EPHA3: variants seen among roughly 807,000 people sequenced by gnomAD.
EPHA3 encodes the protein ephrin type-A receptor 3.
In EPHA3, 42 loss-of-function variants were observed where a neutral mutation model predicts 107.1. The ratio of observed to expected loss-of-function variants is 0.39; its 90% CI spans 0.31 to 0.51. EPHA3 has a LOEUF of 0.51. EPHA3 is among the 20% of genes least tolerant of loss of function. The pLI is 0.78. For synonymous variants in EPHA3, 461 were observed against 424.8 expected (o/e 1.09, Z -1.05); for missense variants, 1,183 against 1,211.2 (o/e 0.98, Z 0.35).
intron 3 of EPHA3, among the ~76,000 whole-genome samples, chr3:89,281,392 C>CA (rs1435264971): frequency 1.3e-5 from 2 of 152,036 alleles, no homozygotes; most frequent in Non-Finnish European, 2.9e-5. Flanking sequence ...TGCCCAAGAC[C>CA]AAAAACCACT....
chr3:89,253,743 A>G (rs1705215581), intron 3 of EPHA3, among the ~76,000 whole-genome samples: 1 of 152,186 alleles, frequency 6.6e-6, no homozygotes, highest in Admixed American at 6.5e-5. Flanking sequence ...GACTAATAAC[A>G]AAGCTCAAAA....
chr3:89,469,934 A>C (rs926276959), intron 15 of EPHA3, among the ~76,000 whole-genome samples: 10 of 152,112 alleles, frequency 6.6e-5, no homozygotes, highest in African/African-American at 2.2e-4. Flanking sequence ...CTAATCTTTC[A>C]TTTCAAGTAT....
At chr3:89,126,762 A>G (rs1057166397) in intron 1 of EPHA3, among the ~76,000 whole-genome samples, 4 of 151,746 alleles carry the variant, frequency 2.6e-5, no homozygotes, top group African/African-American at 4.8e-5. Context: ...GTGTCATATT[A>G]GATATAAATA....
At position 89,211,660 on chromosome 3, in the gene EPHA3, TTCCTCTTCC is replaced by T. The variant is rs769833566; in HGVS notation, c.814+1146_814+1154del. 5.6e-4 allele frequency among the ~76,000 whole-genome samples: 36 copies of T among 63,738 alleles called. No homozygotes were observed. In the South Asian group the frequency reaches 7.3e-3, roughly 13 times the overall value. The allele number at this position is 63,738 out of a possible 152,430, so 41.8% of individuals were successfully genotyped here. ...TTCACAGAATAAATTCCTCTTCCTC[TTCCTCTTCC>T]TCCTCCTCCTCCTCTCTCTCCTCCC... On this transcript the variant is annotated intron_variant, in intron 3 of 16. Coordinates refer to ENST00000336596, the MANE Select transcript of EPHA3 (RefSeq NM_005233.6).
intron 15 of EPHA3, among the ~76,000 whole-genome samples, chr3:89,456,408 T>C (rs73846176): frequency 0.035 from 5,308 of 152,270 alleles, 329 homozygotes; most frequent in African/African-American, 0.12. Context: ...TTCTTCAGTC[T>C]TTCTGGATTT....
chr3:89,205,931 C>T (rs962361966), intron 2 of EPHA3, among the ~76,000 whole-genome samples: 2 of 151,848 alleles, frequency 1.3e-5, no homozygotes, highest in African/African-American at 4.8e-5. Flanking sequence ...GAAACATGGG[C>T]ATTCTTTACA....
At chr3:89,466,859 GTC>G (rs1710287540) in intron 15 of EPHA3, among the ~76,000 whole-genome samples, 1 of 149,214 alleles carries the variant, frequency 6.7e-6, no homozygotes, top group African/African-American at 2.5e-5. Flanking sequence ...CCTCCCTCCT[GTC>G]TCTCTTTTTT....
chr3:89,214,169 T>C (rs187393390), intron 3 of EPHA3, among the ~76,000 whole-genome samples: 131 of 152,102 alleles, frequency 8.6e-4, no homozygotes, highest in Non-Finnish European at 1.4e-3. Context: ...CCAAAAGCTC[T>C]TGTCACTAAC....
intron 5 of EPHA3, among the ~76,000 whole-genome samples, chr3:89,364,286 C>A (rs563022977): frequency 6.6e-6 from 1 of 150,924 alleles, no homozygotes; most frequent in South Asian, 2.1e-4. Flanking sequence ...ATTTTTGAAA[C>A]CAGAATTGCT....
Position 89,398,863 on chromosome 3 carries a change from C to T in EPHA3, c.1432-455C>T, listed in dbSNP as rs1708899249. 2.0e-5 allele frequency among the ~76,000 whole-genome samples: 3 copies of T among 152,108 alleles called. No homozygotes were observed. In the South Asian group the frequency reaches 6.2e-4, roughly 32 times the overall value. On this transcript the variant is annotated intron_variant, in intron 6 of 16. Transcript: ENST00000336596. The stretch of plus-strand genomic sequence containing the variant: ...GCCCATGTTGGGACAGGTGCGGTGG[C>T]TCATGCCTGTAATCCCAGCACTTTG...
chr3:89,412,147 T>C (rs1295264318), intron 9 of EPHA3, among the ~76,000 whole-genome samples: 1 of 151,770 alleles, frequency 6.6e-6, no homozygotes, highest in Non-Finnish European at 1.5e-5. Context: ...TTTTTAAAAC[T>C]CAGGGTTTTT....
intron 2 of EPHA3, among the ~76,000 whole-genome samples, chr3:89,207,461 A>G (rs1351942565): frequency 1.3e-5 from 2 of 152,208 alleles, no homozygotes; most frequent in East Asian, 3.8e-4. Flanking sequence ...AAACCTGTAC[A>G]TGGCCCAAAC....
chr3:89,162,729 G>C (rs13089469), intron 2 of EPHA3, among the ~76,000 whole-genome samples: 1 of 152,242 alleles, frequency 6.6e-6, no homozygotes. Flanking sequence ...CCTGCATGCT[G>C]GAACTGAGAG....
chr3:89,356,529 G>C (rs574776990), intron 5 of EPHA3, among the ~76,000 whole-genome samples: 1 of 151,206 alleles, frequency 6.6e-6, no homozygotes, highest in African/African-American at 2.4e-5. Flanking sequence ...TGCCATTCTA[G>C]TAAGATCAAA....
chr3:89,212,832 C>A lies in EPHA3; in HGVS notation c.814+2312C>A. Reference sequence around the variant, plus strand: ...TTTGTTGCTCTGTGCTTTATCTCTGCACATTCATTGTGGAATGCTAACTTT... The same window carrying A: ...TTTGTTGCTCTGTGCTTTATCTCTGAACATTCATTGTGGAATGCTAACTTT... On this transcript the variant is annotated intron_variant, in intron 3 of 16. Coordinates refer to ENST00000336596, the MANE Select transcript of EPHA3 (RefSeq NM_005233.6). Among the ~76,000 whole-genome samples, 2 of 151,988 alleles carry A rather than the reference C, an allele frequency of 1.3e-5. 1 individual carries two copies. Among genetic ancestry groups the A allele is most frequent in the East Asian group, 3.9e-4 (2 of 5,190 alleles).
chr3:89,457,239 T>C (rs1331306260), intron 15 of EPHA3, among the ~76,000 whole-genome samples: 2 of 152,028 alleles, frequency 1.3e-5, no homozygotes, highest in African/African-American at 4.8e-5. Context: ...TGCTAGACTA[T>C]AGGATAAAAA....
chr3:89,278,411 C>T (rs1454541535), intron 3 of EPHA3, among the ~76,000 whole-genome samples: 1 of 152,060 alleles, frequency 6.6e-6, no homozygotes, highest in Non-Finnish European at 1.5e-5. Flanking sequence ...GATTAGTTTA[C>T]TAACTTCATT....
intron 1 of EPHA3, among the ~76,000 whole-genome samples, chr3:89,118,412 C>A (rs1707304234): frequency 6.6e-6 from 1 of 151,422 alleles, no homozygotes; most frequent in Non-Finnish European, 1.5e-5. Context: ...TTTTAATATT[C>A]CCACAAGAAA....
chr3:89,368,827 CA>C (rs1226234280), intron 5 of EPHA3, among the ~76,000 whole-genome samples: 2 of 150,070 alleles, frequency 1.3e-5, no homozygotes. Context: ...AAACAAAAAA[CA>C]AAAAACAAAA....
Sources: gnomAD v4.1 joint callset for allele counts (sites outside exome capture counted in the v4.1 genomes callset) on GRCh38, gnomAD v4.1.1 for gene constraint, MANE v1.5 for transcripts, NCBI Gene and HGNC (gene_info 2026-07-23, HGNC 2026-07-21) for gene names.